OOSP1: variants seen among roughly 807,000 people sequenced by gnomAD.
The protein encoded by OOSP1 is putative oocyte-secreted protein 1 homolog.
Under a neutral mutation model 5.7 loss-of-function variants are expected in OOSP1, and 11 were observed. The observed-to-expected ratio is 1.94, with a 90% CI of 1.22 to 3.20. The LOEUF (loss-of-function observed/expected upper bound fraction) is 3.20. OOSP1 is among the 30% of genes most tolerant of loss of function. The pLI, the probability that OOSP1 is intolerant of heterozygous loss-of-function variation, is 0.00. For missense variants in OOSP1, 83 were observed against 54.1 expected (o/e 1.53, Z -1.67); for synonymous variants, 44 against 20.0 (o/e 2.20, Z -3.20).
intron 1 of OOSP1, among the ~76,000 whole-genome samples, chr11:59,942,603 G>T (rs1487285306): frequency 6.6e-6 from 1 of 152,016 alleles, no homozygotes; most frequent in Non-Finnish European, 1.5e-5. Context: ...ATTTTGTATT[G>T]ATTTTTTCCC....
At chr11:59,951,784 T>G (rs1853943013) in intron 4 of OOSP1, among the ~76,000 whole-genome samples, 2 of 146,484 alleles carry the variant, frequency 1.4e-5, no homozygotes, top group East Asian at 4.0e-4. Flanking sequence ...TTTTTTTTTT[T>G]TTTTTTTTTT....
intron 4 of OOSP1, among the ~76,000 whole-genome samples, chr11:59,953,272 A>C (rs1367106257): frequency 6.6e-6 from 1 of 152,000 alleles, no homozygotes; most frequent in Non-Finnish European, 1.5e-5. Context: ...GCCCAGAGCA[A>C]CTTTTCCCCT....
chr11:59,941,654 A>G (rs1853827530), intron 1 of OOSP1, among the ~76,000 whole-genome samples: 1 of 152,226 alleles, frequency 6.6e-6, no homozygotes. Flanking sequence ...CTGGGATTAC[A>G]GGAGTGAGCC....
At chr11:59,955,051 T>C (rs1853981303) in intron 4 of OOSP1, among the ~76,000 whole-genome samples, 1 of 152,060 alleles carries the variant, frequency 6.6e-6, no homozygotes, top group African/African-American at 2.4e-5. Context: ...AGAACTTTTA[T>C]TATTATTTAC....
At chr11:59,948,887 A>T in intron 4 of OOSP1, 4 of 397,118 alleles carry the variant, frequency 1.0e-5, no homozygotes, top group Non-Finnish European at 1.3e-5. Context: ...TAATGCTCTC[A>T]ACTGTTATCC....
chr11:59,954,151 CA>C (rs1261962032), intron 4 of OOSP1, among the ~76,000 whole-genome samples: 1 of 152,114 alleles, frequency 6.6e-6, no homozygotes, highest in Non-Finnish European at 1.5e-5. Flanking sequence ...AAAAGATAAA[CA>C]GGGTACACGT....
chr11:59,953,032 C>CT (rs1218890138), intron 4 of OOSP1, among the ~76,000 whole-genome samples: 3 of 152,058 alleles, frequency 2.0e-5, no homozygotes, highest in Non-Finnish European at 4.4e-5. Flanking sequence ...TGTATGCTGT[C>CT]TTTTTCTATT....
chr11:59,948,723 C>T (rs1392415982), intron 4 of OOSP1: 1 of 397,928 alleles, frequency 2.5e-6, no homozygotes, highest in Admixed American at 4.4e-5. Context: ...CTGCTACACT[C>T]CCTCGTTCAT....
At chr11:59,944,676 T>A (rs78477011) in intron 2 of OOSP1, among the ~76,000 whole-genome samples, 1,916 of 152,278 alleles carry the variant, frequency 0.013, 45 homozygotes, top group African/African-American at 0.043. Context: ...GTATTTACTA[T>A]ATGCTGATAA....
At chr11:59,942,706 T>C in intron 1 of OOSP1, 141 bp from the exon 2 acceptor site, 1 of 572,728 alleles carries the variant, frequency 1.7e-6, no homozygotes, top group Non-Finnish European at 3.1e-6. Context: ...GAGACCATGT[T>C]TTGCAAACTT....
chr11:59,955,796 C>T (rs11230107), intron 4 of OOSP1, among the ~76,000 whole-genome samples: 1 of 152,018 alleles, frequency 6.6e-6, no homozygotes, highest in South Asian at 2.1e-4. Flanking sequence ...TCACAACTGA[C>T]TAATCTTTGT....
At chr11:59,938,466 T>C (rs1304802736) in exon 1 of OOSP1, 2 of 626,262 alleles carry the variant, frequency 3.2e-6, no homozygotes, top group Admixed American at 2.4e-5. Flanking sequence ...TGAAGACCAT[T>C]CTGGGGTTCA....
chr11:59,944,340 C>T (rs1255978591), intron 2 of OOSP1, among the ~76,000 whole-genome samples: 1 of 86,170 alleles, frequency 1.2e-5, no homozygotes, highest in African/African-American at 5.1e-5. Flanking sequence ...GGGGCACTAT[C>T]AACCTTGATA....
chr11:59,945,469 C>T (rs533190329), intron 3 of OOSP1: 108 of 608,852 alleles, frequency 1.8e-4, no homozygotes, highest in Middle Eastern at 7.1e-4. Context: ...TGGCTGGGCA[C>T]GGTGGCTCAC....
intron 4 of OOSP1, among the ~76,000 whole-genome samples, chr11:59,952,036 G>A (rs1853945304): frequency 6.6e-6 from 1 of 151,804 alleles, no homozygotes; most frequent in African/African-American, 2.4e-5. Flanking sequence ...ATGAATCAAT[G>A]GAATGGAATC....
intron 3 of OOSP1, among the ~76,000 whole-genome samples, chr11:59,945,958 C>A (rs115808443): frequency 6.6e-6 from 1 of 151,738 alleles, no homozygotes; most frequent in Admixed American, 6.6e-5. Context: ...AGGAAGTGGT[C>A]GGGGGAGGTG....
intron 1 of OOSP1, among the ~76,000 whole-genome samples, chr11:59,941,384 C>CT (rs575640589): frequency 0.016 from 2,388 of 145,168 alleles, 54 homozygotes; most frequent in African/African-American, 0.049. Flanking sequence ...CATTTATGTA[C>CT]TTTTTTTTTT....
chr11:59,953,917 C>A (rs891889115), intron 4 of OOSP1, among the ~76,000 whole-genome samples: 4 of 152,118 alleles, frequency 2.6e-5, no homozygotes, highest in Non-Finnish European at 5.9e-5. Flanking sequence ...GCTTACTAAT[C>A]GGAATATGTT....
chr11:59,948,942 C>T, intron 4 of OOSP1: 1 of 394,474 alleles, frequency 2.5e-6, no homozygotes, highest in Non-Finnish European at 4.5e-6. Flanking sequence ...AGCAGGCTGC[C>T]TTCCACTATT....
Sources: allele counts gnomAD v4.1 joint callset (sites outside exome capture counted in the v4.1 genomes callset), GRCh38; gene constraint gnomAD v4.1.1; transcripts MANE v1.5; gene names NCBI Gene and HGNC (gene_info 2026-07-23, HGNC 2026-07-21).